The following MPPED2 variants were observed in gnomAD, a reference collection of about 807,000 sequenced individuals.
MPPED2 encodes the protein metallophosphoesterase MPPED2.
MPPED2 carries 5 observed loss-of-function variants against 33.0 expected under a neutral mutation model. That is an observed-to-expected ratio of 0.15 (90% CI 0.08 to 0.32). MPPED2 has a LOEUF of 0.32. MPPED2 is among the 10% of genes least tolerant of loss of function. The pLI, the probability that MPPED2 is intolerant of heterozygous loss-of-function variation, is 1.00. For missense variants in MPPED2, 275 were observed against 372.1 expected (o/e 0.74, Z 2.15); for synonymous variants, 136 against 141.9 (o/e 0.96, Z 0.29).
At chr11:30,416,240 T>C (rs1184474306) in intron 5 of MPPED2, among the ~76,000 whole-genome samples, 1 of 152,260 alleles carries the variant, frequency 6.6e-6, no homozygotes, top group Non-Finnish European at 1.5e-5. Context: ...ATAATTCCCA[T>C]GTCTGCAACA....
intron 4 of MPPED2, among the ~76,000 whole-genome samples, chr11:30,434,455 C>T (rs1565064291): frequency 6.6e-6 from 1 of 152,102 alleles, no homozygotes; most frequent in Admixed American, 6.5e-5. Context: ...GTGTGTTTAC[C>T]CCCAGGAAGT....
At chr11:30,558,431 T>G (rs1956087143) in intron 2 of MPPED2, among the ~76,000 whole-genome samples, 1 of 152,026 alleles carries the variant, frequency 6.6e-6, no homozygotes, top group South Asian at 2.1e-4. Context: ...ATTTTTTATT[T>G]TTTGAGACAA....
chr11:30,398,786 T>C (rs1947869809), intron 6 of MPPED2, among the ~76,000 whole-genome samples: 1 of 152,082 alleles, frequency 6.6e-6, no homozygotes, highest in South Asian at 2.1e-4. Flanking sequence ...GTCCATCCAG[T>C]AAGGAGCATG....
intron 2 of MPPED2, among the ~76,000 whole-genome samples, chr11:30,536,774 G>C (rs558677617): frequency 2.2e-4 from 33 of 150,014 alleles, no homozygotes; most frequent in African/African-American, 8.1e-4. Flanking sequence ...CAAAATAACA[G>C]AGCTTTAAAA....
chr11:30,455,379 G>A (rs1590340737), intron 4 of MPPED2, among the ~76,000 whole-genome samples: 1 of 152,280 alleles, frequency 6.6e-6, no homozygotes, highest in East Asian at 1.9e-4. Context: ...AGTTAGCAGG[G>A]ACTACAAGCA....
intron 6 of MPPED2, among the ~76,000 whole-genome samples, chr11:30,392,315 G>A (rs1471734814): frequency 6.6e-6 from 1 of 152,116 alleles, no homozygotes; most frequent in Non-Finnish European, 1.5e-5. Flanking sequence ...TGTTCTCACC[G>A]GTCTGTCTCT....
intron 4 of MPPED2, among the ~76,000 whole-genome samples, chr11:30,458,919 T>C (rs1383367036): frequency 9.4e-6 from 1 of 106,130 alleles, no homozygotes; most frequent in African/African-American, 3.7e-5. Flanking sequence ...CAGTTCTTTT[T>C]TTTTTTTTTT....
intron 3 of MPPED2, among the ~76,000 whole-genome samples, chr11:30,501,071 T>C (rs1353192694): frequency 6.6e-6 from 1 of 152,240 alleles, no homozygotes; most frequent in Non-Finnish European, 1.5e-5. Flanking sequence ...AATAAAATAC[T>C]GCTTCTAAAG....
At chr11:30,573,399 T>G (rs1956790173) in intron 2 of MPPED2, among the ~76,000 whole-genome samples, 1 of 152,164 alleles carries the variant, frequency 6.6e-6, no homozygotes, top group African/African-American at 2.4e-5. Context: ...GTATTATACT[T>G]TAGTTGTTAT....
intron 4 of MPPED2, among the ~76,000 whole-genome samples, chr11:30,437,251 T>C (rs1949365410): frequency 6.6e-6 from 1 of 152,222 alleles, no homozygotes; most frequent in African/African-American, 2.4e-5. Context: ...TCCCTTGTGT[T>C]TGTTTTAATA....
intron 3 of MPPED2, among the ~76,000 whole-genome samples, chr11:30,534,774 A>G (rs1386826349): frequency 1.3e-5 from 2 of 152,218 alleles, no homozygotes; most frequent in Non-Finnish European, 2.9e-5. Flanking sequence ...CGACATACAC[A>G]AACAAAAATG....
intron 3 of MPPED2, among the ~76,000 whole-genome samples, chr11:30,511,639 A>C (rs1048905153): frequency 6.6e-6 from 1 of 152,198 alleles, no homozygotes; most frequent in African/African-American, 2.4e-5. Context: ...GCACACACAC[A>C]CACACCCCAG....
At chr11:30,468,250 ACACACACTCTCTCT>A (rs1281143592) in intron 4 of MPPED2, among the ~76,000 whole-genome samples, 2 of 107,506 alleles carry the variant, frequency 1.9e-5, no homozygotes, top group Admixed American at 2.0e-4. Flanking sequence ...ACACACACAC[ACACACACTCTCTCT>A]CTCTCTCTCT....
intron 4 of MPPED2, among the ~76,000 whole-genome samples, chr11:30,490,084 A>G (rs1359887043): frequency 6.6e-6 from 1 of 152,184 alleles, no homozygotes; most frequent in Non-Finnish European, 1.5e-5. Context: ...CAGACATGCC[A>G]TTAGTTACCA....
At chr11:30,583,565 T>C (rs1033092308) in intron 1 of MPPED2, among the ~76,000 whole-genome samples, 3 of 152,208 alleles carry the variant, frequency 2.0e-5, no homozygotes, top group Admixed American at 6.5e-5. Flanking sequence ...CATTTTGCAT[T>C]TCCTAGACAG....
intron 2 of MPPED2, among the ~76,000 whole-genome samples, chr11:30,544,734 G>A (rs1955316632): frequency 6.6e-6 from 1 of 152,188 alleles, no homozygotes; most frequent in Non-Finnish European, 1.5e-5. Flanking sequence ...GAGGTGCTAT[G>A]GAGTAAAAGG....
intron 6 of MPPED2, among the ~76,000 whole-genome samples, chr11:30,394,206 T>C (rs2133699230): frequency 6.6e-6 from 1 of 152,308 alleles, no homozygotes; most frequent in East Asian, 1.9e-4. Flanking sequence ...CAGTTTTTGG[T>C]GATTATAAGT....
At chr11:30,533,115 C>G (rs1228682260) in intron 3 of MPPED2, among the ~76,000 whole-genome samples, 1 of 152,170 alleles carries the variant, frequency 6.6e-6, no homozygotes, top group African/African-American at 2.4e-5. Context: ...CATAATATCA[C>G]AGAATGACAA....
chr11:30,455,666 T>C (rs1321025364), intron 4 of MPPED2, among the ~76,000 whole-genome samples: 1 of 152,224 alleles, frequency 6.6e-6, no homozygotes, highest in Non-Finnish European at 1.5e-5. Context: ...GCAACCAGAA[T>C]TCATGCCTGT....
Sources: allele counts gnomAD v4.1 joint callset (sites outside exome capture counted in the v4.1 genomes callset), GRCh38; gene constraint gnomAD v4.1.1; transcripts MANE v1.5; gene names NCBI Gene and HGNC (gene_info 2026-07-23, HGNC 2026-07-21).